The following GABRA3 variants were observed in gnomAD, a reference collection of about 807,000 sequenced individuals.
GABRA3 encodes the protein gamma-aminobutyric acid receptor subunit alpha-3.
Under a neutral mutation model 30.1 loss-of-function variants are expected in GABRA3, and 10 were observed. That is an observed-to-expected ratio of 0.33 (90% CI 0.20 to 0.56). The LOEUF is 0.56. Ranked by LOEUF, GABRA3 falls within the 20% of genes least tolerant of loss-of-function variation. The pLI is 0.89. For missense variants in GABRA3, 233 were observed against 392.0 expected, an observed-to-expected ratio of 0.59 and a Z score of 3.42; for synonymous variants, 151 against 146.8, an observed-to-expected ratio of 1.03 and a Z score of -0.21.
intron 3 of GABRA3, among the ~76,000 whole-genome samples, chrX:152,322,421 GCC>G (rs1344149385): frequency 8.9e-5 from 10 of 111,824 alleles, no homozygotes; most frequent in African/African-American, 3.3e-4. Context: ...AGTTGTGGTA[GCC>G]TAACACTGTG....
chrX:152,353,110 C>T (rs6653479), intron 2 of GABRA3, among the ~76,000 whole-genome samples: 24,546 of 109,028 alleles, frequency 0.23, 2,666 homozygotes, highest in African/African-American at 0.43. Context: ...GGCTAGAATA[C>T]GCCAAATCCA....
At chrX:152,274,205 T>A (rs1286425448) in intron 4 of GABRA3, among the ~76,000 whole-genome samples, 1 of 111,473 alleles carries the variant, frequency 9.0e-6, no homozygotes, top group African/African-American at 3.3e-5. Flanking sequence ...CTGCAAAAAA[T>A]TGAATTACAA....
At chrX:152,362,549 G>A (rs1245164403) in intron 2 of GABRA3, among the ~76,000 whole-genome samples, 2 of 111,590 alleles carry the variant, frequency 1.8e-5, no homozygotes, top group Non-Finnish European at 3.8e-5. Context: ...AATAGGGTAG[G>A]TATGGTCAAA....
chrX:152,423,513 AG>A (rs1272964091), intron 1 of GABRA3, among the ~76,000 whole-genome samples: 1 of 112,099 alleles, frequency 8.9e-6, no homozygotes, highest in Admixed American at 9.5e-5. Flanking sequence ...TAGAAAATAA[AG>A]TTAGGCTTTT....
Position 152,208,328 on chromosome X carries a change from A to G in GABRA3, c.635-184T>C, listed in dbSNP as rs141716246. ...CCATCCATCCATACAATAAACTCTC[A>G]TTGAACAGCTACTGTAGTATATGCT... On this transcript the variant is annotated intron_variant, in intron 6 of 9. Transcript: ENST00000370314. Among the ~76,000 whole-genome samples, 418 of 112,354 alleles carry G rather than the reference A, an allele frequency of 3.7e-3. 1 individual carries two copies. The highest frequency in any genetic ancestry group is 0.012 in the African/African-American group (372 of 30,916).
chrX:152,411,580 C>T (rs1451021440), intron 1 of GABRA3, among the ~76,000 whole-genome samples: 1 of 111,511 alleles, frequency 9.0e-6, no homozygotes, highest in East Asian at 2.8e-4. Context: ...AACTCAAACT[C>T]GTTCAAACAT....
At chrX:152,306,233 G>A (rs1440772343) in intron 3 of GABRA3, among the ~76,000 whole-genome samples, 1 of 111,661 alleles carries the variant, frequency 9.0e-6, no homozygotes, top group Non-Finnish European at 1.9e-5. Flanking sequence ...TGCAGTTGGG[G>A]GATGTGGGGA....
chrX:152,242,245 G>A (rs1395007703), intron 5 of GABRA3, among the ~76,000 whole-genome samples: 1 of 110,855 alleles, frequency 9.0e-6, no homozygotes, highest in Non-Finnish European at 1.9e-5. Context: ...GAATGAAATT[G>A]GACCCCATTT....
chrX:152,440,561 C>T (rs777722950), intron 1 of GABRA3, among the ~76,000 whole-genome samples: 2 of 112,215 alleles, frequency 1.8e-5, no homozygotes, highest in Non-Finnish European at 3.8e-5. Flanking sequence ...TATAAAGACA[C>T]GTGTACATCT....
intron 1 of GABRA3, among the ~76,000 whole-genome samples, chrX:152,379,855 T>G (rs1273421913): frequency 1.8e-5 from 2 of 110,501 alleles, no homozygotes; most frequent in Non-Finnish European, 3.8e-5. Context: ...ATTTTTTTTT[T>G]GAGATGGAGT....
chrX:152,322,186 A>C (rs760758162), intron 3 of GABRA3, among the ~76,000 whole-genome samples: 14 of 112,509 alleles, frequency 1.2e-4, no homozygotes, highest in Non-Finnish European at 2.4e-4. Context: ...ACATGTACTG[A>C]TACATGGATG....
intron 1 of GABRA3, among the ~76,000 whole-genome samples, chrX:152,369,357 CAATT>C (rs1021662632): frequency 2.4e-4 from 5 of 20,618 alleles, no homozygotes; most frequent in Admixed American, 9.5e-4. Flanking sequence ...TTTTATCTGT[CAATT>C]AATAAATAAA....
intron 6 of GABRA3, among the ~76,000 whole-genome samples, chrX:152,208,986 A>C: frequency 8.9e-6 from 1 of 112,424 alleles, no homozygotes; most frequent in Non-Finnish European, 1.9e-5. Context: ...TATAAGAAAA[A>C]TAAGCTGGCA....
At chrX:152,245,343 T>A (rs1033872252) in intron 5 of GABRA3, among the ~76,000 whole-genome samples, 4 of 111,164 alleles carry the variant, frequency 3.6e-5, no homozygotes, top group African/African-American at 1.3e-4. Flanking sequence ...AAAGAAAGAA[T>A]AACAAATCAT....
intron 1 of GABRA3, among the ~76,000 whole-genome samples, chrX:152,378,974 T>C (rs1929070736): frequency 9.0e-6 from 1 of 111,725 alleles, no homozygotes; most frequent in African/African-American, 3.2e-5. Context: ...ATTCAAAATA[T>C]ATAAATCAAA....
intron 2 of GABRA3, among the ~76,000 whole-genome samples, chrX:152,357,467 A>G (rs1325017053): frequency 9.0e-6 from 1 of 110,967 alleles, no homozygotes. Context: ...CCTATTTTTT[A>G]ATTGGGTTGT....
intron 1 of GABRA3, among the ~76,000 whole-genome samples, chrX:152,371,219 T>C (rs61535889): frequency 0.015 from 1,695 of 111,185 alleles, 37 homozygotes; most frequent in African/African-American, 0.052. Flanking sequence ...ACTCTCCCAC[T>C]CTCAAGAGAT....
chrX:152,345,841 C>A, intron 2 of GABRA3, 139 bp from the exon 3 acceptor site: 1 of 507,069 alleles, frequency 2.0e-6, no homozygotes, highest in Admixed American at 4.7e-5. Context: ...AAATAGCAAT[C>A]ACTACATATT....
At chrX:152,364,374 G>A in intron 2 of GABRA3, 57 bp downstream of exon 2, 1 of 1,130,558 alleles carries the variant, frequency 8.8e-7, no homozygotes, top group Non-Finnish European at 1.2e-6. Context: ...AGAAGTTTTG[G>A]TCTGAGGCAA....
Sources: allele counts gnomAD v4.1 joint callset (sites outside exome capture counted in the v4.1 genomes callset), GRCh38; gene constraint gnomAD v4.1.1; transcripts MANE v1.5; gene names NCBI Gene and HGNC (gene_info 2026-07-23, HGNC 2026-07-21).